The following KLHL4 variants were observed in gnomAD, a reference collection of about 807,000 sequenced individuals.
KLHL4 encodes the protein kelch like family member 4, also known as kelch-like protein 4.
In KLHL4, 17 loss-of-function variants were observed where a neutral mutation model predicts 45.8. The ratio of observed to expected loss-of-function variants is 0.37; its 90% CI spans 0.25 to 0.56. The LOEUF (loss-of-function observed/expected upper bound fraction) is 0.56. Ranked by LOEUF, KLHL4 falls within the 20% of genes least tolerant of loss-of-function variation. The pLI, the probability that KLHL4 is intolerant of heterozygous loss-of-function variation, is 0.79. For missense variants in KLHL4, 544 were observed against 544.9 expected (o/e 1.00, Z 0.02); for synonymous variants, 224 against 189.9 (o/e 1.18, Z -1.47).
chrX:87,656,351 A>G (rs2147839559), intron 9 of KLHL4, among the ~76,000 whole-genome samples: 1 of 110,343 alleles, frequency 9.1e-6, no homozygotes, highest in East Asian at 2.9e-4. Flanking sequence ...ACATAGTTCC[A>G]TACTTATCAA....
intron 1 of KLHL4, among the ~76,000 whole-genome samples, chrX:87,548,854 A>G (rs1188997049): frequency 9.1e-6 from 1 of 109,366 alleles, no homozygotes. Context: ...TGAAAAAAAA[A>G]AAAAGAGAGA....
chrX:87,559,758 C>A (rs982575968), intron 1 of KLHL4, among the ~76,000 whole-genome samples: 1 of 107,728 alleles, frequency 9.3e-6, no homozygotes, highest in Non-Finnish European at 1.9e-5. Flanking sequence ...GTTGCTTACA[C>A]TCTAGTATAT....
chrX:87,656,118 A>AT (rs1377248537), intron 9 of KLHL4, among the ~76,000 whole-genome samples: 4 of 108,276 alleles, frequency 3.7e-5, no homozygotes, highest in Admixed American at 2.0e-4. Context: ...TGATTTTAGG[A>AT]TTTTTTTCCT....
intron 1 of KLHL4, among the ~76,000 whole-genome samples, chrX:87,590,862 A>G (rs765062048): frequency 8.9e-5 from 10 of 111,987 alleles, no homozygotes; most frequent in Non-Finnish European, 1.7e-4. Flanking sequence ...TCCATTGTGT[A>G]TATACACCAT....
intron 1 of KLHL4, among the ~76,000 whole-genome samples, chrX:87,557,572 T>A (rs1408276280): frequency 9.0e-6 from 1 of 111,231 alleles, no homozygotes; most frequent in Non-Finnish European, 1.9e-5. Context: ...ACATTAACAA[T>A]GTAATTAATC....
intron 1 of KLHL4, among the ~76,000 whole-genome samples, chrX:87,598,002 T>C (rs867433622): frequency 2.7e-5 from 3 of 109,916 alleles, no homozygotes; most frequent in Admixed American, 9.8e-5. Context: ...TTCAAATTTG[T>C]TCTTGTTTCA....
At chrX:87,552,885 T>C (rs1379429150) in intron 1 of KLHL4, among the ~76,000 whole-genome samples, 1 of 109,982 alleles carries the variant, frequency 9.1e-6, no homozygotes, top group African/African-American at 3.3e-5. Context: ...AGAATTACTA[T>C]CTGATAGCAT....
chrX:87,641,725 T>C, intron 9 of KLHL4, among the ~76,000 whole-genome samples: 1 of 110,850 alleles, frequency 9.0e-6, no homozygotes, highest in Admixed American at 9.5e-5. Context: ...TGAGATCAGC[T>C]CTTTGGTTTG....
rs1043451821 is a variant in KLHL4, at chrX:87,669,995, C to A, written c.*3461C>A. On this transcript the variant is annotated 3_prime_UTR_variant, in exon 11 of 11. Transcript: ENST00000373119. ...ATATGCCAAAATATCATTTTGTATG[C>A]CATAATATATATGATTTATGAATTA... 2 of 111,234 alleles carry A rather than the reference C, an allele frequency of 1.8e-5. No individual in the cohort carries two copies. The highest frequency in any genetic ancestry group is 6.5e-5 in the African/African-American group (2 of 30,590). 9.2% of individuals were successfully genotyped at this position (111,234 alleles called of 1,213,427 possible). A position where few individuals can be genotyped will look rare whatever the true frequency, so the allele number is the denominator to read the frequency against.
Position 87,614,127 on chromosome X carries a change from A to G in KLHL4, c.590+83A>G. 7.1e-6 allele frequency: 5 copies of G among 701,071 alleles called. No individual in the cohort carries two copies. The South Asian group carries it at 9.9e-5, about 14-fold the overall frequency. 57.8% of individuals were successfully genotyped at this position (701,071 alleles called of 1,213,427 possible). A position where few individuals can be genotyped will look rare whatever the true frequency, so the allele number is the denominator to read the frequency against. On this transcript the variant is annotated intron_variant, in intron 2 of 10. Coordinates refer to ENST00000373119, the MANE Select transcript of KLHL4 (RefSeq NM_019117.5). ...AATGAGTACATGGATTATAAACTGG[A>G]ATATTGTAAAAATATTTATTTTCCT...
rs1930931690 is a variant in KLHL4 at position 87,518,295 on chromosome X, T to C, written c.402T>C (p.Asn134=). Residue 134 remains asparagine (N), a synonymous_variant, in exon 1 of 11, where the codon AAT becomes AAC. Coordinates refer to ENST00000373119, the MANE Select transcript of KLHL4 (RefSeq NM_019117.5). ...ATTTGGAGATGATGGCTGATGACAATATAGAAGATTCTACAGCAAGGTAAG... is the reference window on the plus strand; with the variant it reads ...ATTTGGAGATGATGGCTGATGACAACATAGAAGATTCTACAGCAAGGTAAG... ...AQDLEMMADD[N]IEDSTARLDT... 8.3e-7 allele frequency: 1 copy of C among 1,206,256 alleles called. No homozygotes were observed. The highest frequency in any genetic ancestry group is 1.1e-6 in the Non-Finnish European group (1 of 893,450).
chrX:87,541,516 G>A (rs1250523734), intron 1 of KLHL4, among the ~76,000 whole-genome samples: 1 of 102,228 alleles, frequency 9.8e-6, no homozygotes, highest in Non-Finnish European at 2.0e-5. Context: ...AAAAAAAAAG[G>A]TGGCAGTTTC....
chrX:87,618,266 A>G (rs1406012965), intron 4 of KLHL4, 138 bp downstream of exon 4: 1 of 423,949 alleles, frequency 2.4e-6, no homozygotes, highest in Non-Finnish European at 3.8e-6. Context: ...TGTCTGGTTG[A>G]GCTGCACTCA....
At chrX:87,612,277 C>T (rs1355519286) in intron 1 of KLHL4, among the ~76,000 whole-genome samples, 4 of 111,721 alleles carry the variant, frequency 3.6e-5, no homozygotes, top group Admixed American at 2.9e-4. Flanking sequence ...GGTAAGTGTT[C>T]TATGCCGGTA....
chrX:87,521,218 A>G (rs889287454), intron 1 of KLHL4, among the ~76,000 whole-genome samples: 8 of 112,114 alleles, frequency 7.1e-5, no homozygotes, highest in Non-Finnish European at 1.5e-4. Context: ...ACTGCCAGAA[A>G]AGACTCCATT....
At chrX:87,546,430 C>A (rs1931685318) in intron 1 of KLHL4, among the ~76,000 whole-genome samples, 1 of 111,998 alleles carries the variant, frequency 8.9e-6, no homozygotes, top group Non-Finnish European at 1.9e-5. Context: ...GATTTAGTAA[C>A]CTCCACCTAG....
Position 87,669,456 on chromosome X carries a change from C to T in KLHL4, c.*2922C>T. On this transcript the variant is annotated 3_prime_UTR_variant, in exon 11 of 11. Coordinates refer to ENST00000373119, the MANE Select transcript of KLHL4 (RefSeq NM_019117.5). ...CAATCTGACTCAGGTGTGGCTGTTG[C>T]CCCTTTTTGATATGGAGGGAACACT... 1.7e-6 allele frequency: 2 copies of T among 1,181,769 alleles called. No individual in the cohort carries two copies. Among genetic ancestry groups the T allele is most frequent in the Non-Finnish European group, 2.3e-6 (2 of 878,872 alleles).
Position 87,669,286 on chromosome X carries a change from A to G in KLHL4, c.*2752A>G. On this transcript the variant is annotated 3_prime_UTR_variant, in exon 11 of 11. Transcript: ENST00000373119. The stretch of plus-strand genomic sequence containing the variant: ...TCTGCAACTCTCAGCATGCATCATG[A>G]TGATTCTCTAACACTGTCTGTCACC... The G allele has an allele frequency of 1.7e-6, 2 of 1,203,286 alleles. No individual in the cohort carries two copies. Among genetic ancestry groups the G allele is most frequent in the African/African-American group, 1.7e-5 (1 of 57,478 alleles).
Position 87,669,834 on chromosome X carries a change from T to G in KLHL4, c.*3300T>G, listed in dbSNP as rs1489221934. 17 of 114,361 alleles carry G rather than the reference T, an allele frequency of 1.5e-4. 1 individual carries two copies. The Admixed American group carries it at 1.5e-3, about 10-fold the overall frequency. 9.4% of individuals were successfully genotyped at this position (114,361 alleles called of 1,213,427 possible). A position where few individuals can be genotyped will look rare whatever the true frequency, so the allele number is the denominator to read the frequency against. On this transcript the variant is annotated 3_prime_UTR_variant, in exon 11 of 11. Coordinates refer to ENST00000373119, the MANE Select transcript of KLHL4 (RefSeq NM_019117.5). ...AAGATATCACATGAACTACCTAATT[T>G]TCAAGCATGGATCTCCATATTTCAA...
Sources: gnomAD v4.1 joint callset for allele counts (sites outside exome capture counted in the v4.1 genomes callset) on GRCh38, gnomAD v4.1.1 for gene constraint, MANE v1.5 for transcripts, NCBI Gene and HGNC (gene_info 2026-07-23, HGNC 2026-07-21) for gene names.